RYR2: variants seen among roughly 807,000 people sequenced by gnomAD.
RYR2 encodes the protein ryanodine receptor 2, also known as cardiac muscle ryanodine receptor-calcium release channel.
Under a neutral mutation model 601.1 loss-of-function variants are expected in RYR2, and 227 were observed. That is an observed-to-expected ratio of 0.38 (90% CI 0.34 to 0.42). The LOEUF (loss-of-function observed/expected upper bound fraction) is 0.42, where lower values mean the gene tolerates loss of function less well. Ranked by LOEUF, RYR2 falls within the 10% of genes least tolerant of loss-of-function variation. RYR2 has a pLI of 1.00. For synonymous variants in RYR2, 2,223 were observed against 2,175.1 expected (o/e 1.02, Z -0.61); for missense variants, 4,646 against 6,156.5 (o/e 0.75, Z 8.21).
chr1:237,358,236 A>G (rs1191087375), intron 4 of RYR2, among the ~76,000 whole-genome samples: 2 of 152,184 alleles, frequency 1.3e-5, no homozygotes, highest in East Asian at 3.9e-4. Flanking sequence ...CATTTCAGTA[A>G]TTAAAATGCC....
Position 237,831,511 on chromosome 1 carries a change from T to C in RYR2, c.14757-3T>C. 6.6e-7 allele frequency: 1 copy of C among 1,526,240 alleles called. No individual in the cohort carries two copies. Among genetic ancestry groups the C allele is most frequent in the Non-Finnish European group, 9.1e-7 (1 of 1,102,992 alleles). The allele number at this position is 1,526,240 out of a possible 1,614,324, so 94.5% of individuals were successfully genotyped here. A position where few individuals can be genotyped will look rare whatever the true frequency, so the allele number is the denominator to read the frequency against. ...TTTCTGATCAGTTTCTCTGTATCTGTAGGTTTTTTCTGATGTATCTTATAA... is the reference window on the plus strand; with the variant it reads ...TTTCTGATCAGTTTCTCTGTATCTGCAGGTTTTTTCTGATGTATCTTATAA... On this transcript the variant is annotated splice_polypyrimidine_tract_variant and splice_region_variant and intron_variant, in intron 103 of 104. Coordinates refer to ENST00000366574, the MANE Select transcript of RYR2 (RefSeq NM_001035.3).
chr1:237,545,040 A>G (rs938338825), intron 25 of RYR2, among the ~76,000 whole-genome samples: 1 of 152,224 alleles, frequency 6.6e-6, no homozygotes, highest in African/African-American at 2.4e-5. Context: ...CTAAGCTTCA[A>G]ATCCTTTCTC....
chr1:237,181,243 C>A (rs1678724507), intron 1 of RYR2, among the ~76,000 whole-genome samples: 1 of 152,114 alleles, frequency 6.6e-6, no homozygotes, highest in South Asian at 2.1e-4. Context: ...CTCGGCTTCC[C>A]AAAGTGCTGG....
chr1:237,756,375 A>G lies in RYR2; in HGVS notation c.11233A>G (p.Ser3745Gly). 1.2e-6 allele frequency: 2 copies of G among 1,610,910 alleles called. No homozygotes were observed. Among genetic ancestry groups the G allele is most frequent in the Non-Finnish European group, 1.7e-6 (2 of 1,177,770 alleles). ...GAAEMVLQTI[S>G]ASKGETGPMV... ...GGCTGAGATGGTGCTACAGACAATC[A>G]GTGCCAGCAAAGGTAAGGTTCCTTG... is the stretch of plus-strand genomic sequence containing the variant. The change falls in exon 81 of 105, where the codon AGT becomes GGT. Residue 3745 changes from serine (S) to glycine (G), a missense_variant. This residue lies in a region of RYR2 where 1,497 missense variants were observed against 1,842.6 expected (regional missense o/e 0.81). Transcript: ENST00000366574.
At chr1:237,722,596 G>A (rs1449183455) in intron 73 of RYR2, among the ~76,000 whole-genome samples, 1 of 151,852 alleles carries the variant, frequency 6.6e-6, no homozygotes, top group Non-Finnish European at 1.5e-5. Context: ...ACCACGCCTG[G>A]CTAATTTTTT....
At chr1:237,689,610 G>A (rs1686760226) in intron 63 of RYR2, among the ~76,000 whole-genome samples, 2 of 151,978 alleles carry the variant, frequency 1.3e-5, no homozygotes, top group Admixed American at 1.3e-4. Flanking sequence ...TAGACATTGT[G>A]GTTTCATCCC....
At chr1:237,549,150 C>A (rs1160932488) in intron 26 of RYR2, among the ~76,000 whole-genome samples, 2 of 152,182 alleles carry the variant, frequency 1.3e-5, no homozygotes, top group African/African-American at 2.4e-5. Context: ...GGTTTCACCA[C>A]TGAGTTACTG....
intron 10 of RYR2, among the ~76,000 whole-genome samples, chr1:237,402,407 A>AT (rs556543881): frequency 0.039 from 5,850 of 149,992 alleles, 181 homozygotes; most frequent in Non-Finnish European, 0.065. Context: ...AAGAAAAAAA[A>AT]ATATATATAT....
chr1:237,214,514 C>G (rs1157032920), intron 1 of RYR2, among the ~76,000 whole-genome samples: 2 of 152,106 alleles, frequency 1.3e-5, no homozygotes, highest in African/African-American at 4.8e-5. Context: ...ACAGTCAGCT[C>G]TCACAGGAAT....
At chr1:237,829,884 C>G (rs991648736) in intron 102 of RYR2, 1 of 152,054 alleles carries the variant, frequency 6.6e-6, no homozygotes. Context: ...AAGCAGGTGC[C>G]CCTCTACAGG....
At chr1:237,439,468 A>G (rs1707697213) in intron 12 of RYR2, among the ~76,000 whole-genome samples, 1 of 152,044 alleles carries the variant, frequency 6.6e-6, no homozygotes, top group African/African-American at 2.4e-5. Context: ...AACATGGTGC[A>G]ATCTGTCTCT....
intron 3 of RYR2, among the ~76,000 whole-genome samples, chr1:237,347,995 T>C (rs1185220239): frequency 6.6e-6 from 1 of 152,184 alleles, no homozygotes; most frequent in African/African-American, 2.4e-5. Context: ...AGTATTCATT[T>C]GGGCAGAGAT....
At chr1:237,649,742 A>G in intron 49 of RYR2, 135 bp from the exon 50 acceptor site, 1 of 685,558 alleles carries the variant, frequency 1.5e-6, no homozygotes, top group South Asian at 2.1e-5. Context: ...TAAAGATGTA[A>G]CTAAAGAATA....
chr1:237,814,958 CTT>C (rs1207413143), intron 100 of RYR2, among the ~76,000 whole-genome samples: 211 of 122,602 alleles, frequency 1.7e-3, no homozygotes, highest in South Asian at 9.6e-3. Context: ...CTCCTTTTTT[CTT>C]TTTTCTTTTT....
At chr1:237,696,052 T>C (rs1687399554) in intron 63 of RYR2, among the ~76,000 whole-genome samples, 1 of 152,192 alleles carries the variant, frequency 6.6e-6, no homozygotes, top group Admixed American at 6.5e-5. Context: ...GCCTGCTGTA[T>C]GTCAGACACT....
intron 1 of RYR2, among the ~76,000 whole-genome samples, chr1:237,232,957 T>C (rs534650950): frequency 5.9e-5 from 9 of 152,194 alleles, no homozygotes; most frequent in Non-Finnish European, 1.2e-4. Context: ...GCTGGAATGA[T>C]AGGAAATTAT....
intron 1 of RYR2, among the ~76,000 whole-genome samples, chr1:237,071,414 A>G (rs12083294): frequency 0.02 from 3,004 of 151,966 alleles, 92 homozygotes; most frequent in African/African-American, 0.068. Context: ...AGTAGAGACA[A>G]GGTTTCACTA....
chr1:237,616,411 C>T (rs1678476325), intron 37 of RYR2, among the ~76,000 whole-genome samples: 1 of 152,184 alleles, frequency 6.6e-6, no homozygotes, highest in East Asian at 1.9e-4. Context: ...GCATTCACCA[C>T]TTAATTGTCT....
intron 1 of RYR2, among the ~76,000 whole-genome samples, chr1:237,201,771 G>A (rs533304753): frequency 7.2e-5 from 11 of 152,226 alleles, no homozygotes; most frequent in African/African-American, 2.6e-4. Flanking sequence ...CTCTGGCATT[G>A]GACTCTTGTC....
Sources: allele counts gnomAD v4.1 joint callset (sites outside exome capture counted in the v4.1 genomes callset), GRCh38; gene constraint gnomAD v4.1.1; regional missense constraint gnomAD v4.1.1; transcripts MANE v1.5; gene names NCBI Gene and HGNC (gene_info 2026-07-23, HGNC 2026-07-21).